Variants in UBR3 observed in about 807,000 individuals in gnomAD.
UBR3 encodes the protein E3 ubiquitin-protein ligase UBR3.
Under a neutral mutation model 243.2 loss-of-function variants are expected in UBR3, and 85 were observed. The ratio of observed to expected loss-of-function variants is 0.35; its 90% CI spans 0.29 to 0.42. The LOEUF is 0.42. UBR3 is among the 10% of genes least tolerant of loss of function. The probability of loss-of-function intolerance (pLI) is 1.00; values close to 1 mark genes in which losing one functional copy is unlikely to be tolerated. For synonymous variants in UBR3, 748 were observed against 799.8 expected, an observed-to-expected ratio of 0.94 and a Z score of 1.09; for missense variants, 1,686 against 2,300.8, an observed-to-expected ratio of 0.73 and a Z score of 5.47.
intron 1 of UBR3, among the ~76,000 whole-genome samples, chr2:169,855,529 G>T (rs1361763773): frequency 6.6e-6 from 1 of 151,906 alleles, no homozygotes; most frequent in East Asian, 1.9e-4. Flanking sequence ...CTGGGTACTT[G>T]AGATTAGGGA....
In UBR3 at chr2:170,072,478, C is replaced by T. The variant is rs566018397; in HGVS notation, c.5020-950C>T. On this transcript the variant is annotated intron_variant, in intron 35 of 38. Transcript: ENST00000272793. ...AGGAGATATACCTAATGCTAAATGA[C>T]GAGTTAATGGGTACAGCACATCAGC... Among the ~76,000 whole-genome samples the T allele has an allele frequency of 4.6e-5, 7 of 151,916 alleles. No individual in the cohort carries two copies. The South Asian group carries it at 6.2e-4, about 14-fold the overall frequency.
Position 170,040,989 on chromosome 2 carries a change from T to A in UBR3, c.4660+4T>A, listed in dbSNP as rs1422587666. 1 of 1,606,958 alleles carries A rather than the reference T, an allele frequency of 6.2e-7. No homozygotes were observed. The stretch of plus-strand genomic sequence containing the variant: ...ATGCCACAACCCTTACGCAAAGGTA[T>A]GTCTTTATAATTCAGATTCTTTGAT... On this transcript the variant is annotated splice_donor_region_variant and intron_variant, in intron 32 of 38. Coordinates refer to ENST00000272793, the MANE Select transcript of UBR3 (RefSeq NM_172070.4).
intron 18 of UBR3, among the ~76,000 whole-genome samples, chr2:169,930,465 C>G (rs751396970): frequency 3.3e-5 from 5 of 151,978 alleles, no homozygotes; most frequent in Admixed American, 6.6e-5. Context: ...TAGCTCACTG[C>G]ACCCTTGACC....
Position 169,975,834 on chromosome 2 carries a change from TTGGATCTGCAATTATC to T in UBR3, c.3635-10800_3635-10785del, listed in dbSNP as rs1377400656. On this transcript the variant is annotated intron_variant, in intron 24 of 38. Transcript: ENST00000272793. ...ACAAACAGGAATTCAGAATTCCTTT[TTGGATCTGCAATTATC>T]TGGATCTGCATATATCTGGATCTGC... Among the ~76,000 whole-genome samples, 6 of 152,234 alleles carry T rather than the reference TTGGATCTGCAATTATC, an allele frequency of 3.9e-5. No individual in the cohort carries two copies. The East Asian group carries it at 1.2e-3, about 29-fold the overall frequency.
intron 17 of UBR3, among the ~76,000 whole-genome samples, chr2:169,928,443 C>T (rs916434169): frequency 4.0e-4 from 61 of 152,068 alleles, no homozygotes; most frequent in African/African-American, 8.7e-4. Context: ...GTTTTTCTAT[C>T]GTTTTCTGAA....
intron 5 of UBR3, among the ~76,000 whole-genome samples, chr2:169,880,814 G>A (rs553151573): frequency 6.6e-6 from 1 of 152,012 alleles, no homozygotes; most frequent in Non-Finnish European, 1.5e-5. Flanking sequence ...CCTTTGTGTC[G>A]ATATTTTCTC....
chr2:170,057,945 A>G (rs987106445), intron 33 of UBR3, among the ~76,000 whole-genome samples: 2 of 152,202 alleles, frequency 1.3e-5, no homozygotes, highest in Non-Finnish European at 2.9e-5. Context: ...AGCAGTTTGT[A>G]AATGCCTGTA....
At chr2:169,967,478 C>T (rs1041786314) in intron 24 of UBR3, among the ~76,000 whole-genome samples, 4 of 152,084 alleles carry the variant, frequency 2.6e-5, no homozygotes, top group Non-Finnish European at 5.9e-5. Flanking sequence ...AAAATCCTTG[C>T]TGTGACTCTA....
chr2:169,978,484 G>A (rs902232162), intron 24 of UBR3, among the ~76,000 whole-genome samples: 4 of 152,074 alleles, frequency 2.6e-5, no homozygotes, highest in Non-Finnish European at 5.9e-5. Context: ...CTTGCCTCTG[G>A]GGAAGAAAGG....
rs190498136 is a variant in UBR3 at position 170,073,882 on chromosome 2, T to C, written c.5199+275T>C. Among the ~76,000 whole-genome samples, 903 of 152,318 alleles carry C rather than the reference T, an allele frequency of 5.9e-3. 6 individuals are homozygous for C. Among genetic ancestry groups the C allele is most frequent in the African/African-American group, 0.021 (878 of 41,580 alleles). Reference sequence around the variant, plus strand: ...TAATCATAGGATTAGACTTGGTAGATACAAAGGAATTTTAAGGTAGACAAG... The same window carrying C: ...TAATCATAGGATTAGACTTGGTAGACACAAAGGAATTTTAAGGTAGACAAG... On this transcript the variant is annotated intron_variant, in intron 36 of 38. Coordinates refer to ENST00000272793, the MANE Select transcript of UBR3 (RefSeq NM_172070.4).
At chr2:170,077,193 T>C in intron 36 of UBR3, 1 of 670,572 alleles carries the variant, frequency 1.5e-6, no homozygotes, top group Non-Finnish European at 2.9e-6. Context: ...AGTTGGTGTG[T>C]AGTCTTCAAT....
intron 10 of UBR3, among the ~76,000 whole-genome samples, chr2:169,906,383 G>A (rs2085009797): frequency 1.3e-5 from 2 of 151,982 alleles, no homozygotes; most frequent in Non-Finnish European, 2.9e-5. Context: ...ACAGTCTTCG[G>A]AACTTCATTA....
chr2:170,018,624 T>G (rs1469961559), intron 30 of UBR3, among the ~76,000 whole-genome samples: 2 of 152,168 alleles, frequency 1.3e-5, no homozygotes, highest in Non-Finnish European at 1.5e-5. Context: ...CTAGGGAATT[T>G]AGAGGTTTGT....
At chr2:169,913,792 T>C (rs768167861) in intron 10 of UBR3, among the ~76,000 whole-genome samples, 1 of 152,050 alleles carries the variant, frequency 6.6e-6, no homozygotes, top group Admixed American at 6.6e-5. Flanking sequence ...TGAAATGGAG[T>C]CTGATTTAAA....
At chr2:169,926,595 C>T in intron 14 of UBR3, 97 bp from the exon 15 acceptor site, 1 of 1,305,988 alleles carries the variant, frequency 7.7e-7, no homozygotes. Context: ...AAACAAAAAA[C>T]AAAAAACAAA....
chr2:169,989,361 C>T (rs1171633429), intron 25 of UBR3, among the ~76,000 whole-genome samples: 1 of 152,104 alleles, frequency 6.6e-6, no homozygotes, highest in Admixed American at 6.5e-5. Context: ...TAGATCCACT[C>T]TCCCTCTATC....
At chr2:170,071,854 A>G (rs1311913909) in intron 35 of UBR3, among the ~76,000 whole-genome samples, 1 of 152,220 alleles carries the variant, frequency 6.6e-6, no homozygotes. Flanking sequence ...TCCTACTTCC[A>G]GAGAACTCAC....
chr2:169,830,997 C>T (rs1010863689), intron 1 of UBR3, among the ~76,000 whole-genome samples: 10 of 150,954 alleles, frequency 6.6e-5, no homozygotes, highest in African/African-American at 2.4e-4. Flanking sequence ...AGTTTTAGGG[C>T]ATCCAGGCTA....
At chr2:169,855,537 G>A (rs1311801321) in intron 1 of UBR3, among the ~76,000 whole-genome samples, 1 of 151,662 alleles carries the variant, frequency 6.6e-6, no homozygotes, top group Admixed American at 6.6e-5. Flanking sequence ...TTGAGATTAG[G>A]GAGTGGTGAT....
Sources: gnomAD v4.1 joint callset for allele counts (sites outside exome capture counted in the v4.1 genomes callset) on GRCh38, gnomAD v4.1.1 for gene constraint, MANE v1.5 for transcripts, NCBI Gene and HGNC (gene_info 2026-07-23, HGNC 2026-07-21) for gene names.